Variants in AMN1 observed in about 807,000 individuals in gnomAD.
AMN1 encodes antagonist of mitotic exit network 1 homolog.
A neutral mutation model predicts 33.0 loss-of-function variants in AMN1; 20 were observed. That is an observed-to-expected ratio of 0.61 (90% CI 0.43 to 0.88). AMN1 has a LOEUF of 0.88. AMN1 is among the 40% of genes least tolerant of loss of function. AMN1 has a pLI of 0.00. For missense variants in AMN1, 246 were observed against 307.4 expected, an observed-to-expected ratio of 0.80 and a Z score of 1.49; for synonymous variants, 114 against 111.9, an observed-to-expected ratio of 1.02 and a Z score of -0.12.
In AMN1 at chr12:31,701,397, G is replaced by C. The variant is rs76753027; in HGVS notation, c.316+466C>G. Among the ~76,000 whole-genome samples, 1,271 of 152,112 alleles carry C rather than the reference G, an allele frequency of 8.4e-3. 17 individuals are homozygous for C. Among genetic ancestry groups the C allele is most frequent in the African/African-American group, 0.029 (1,199 of 41,474 alleles). On this transcript the variant is annotated intron_variant, in intron 3 of 6. Transcript: ENST00000281471. ...TGCAACTGCTACCTCCCAGGCTCAA[G>C]GGATTCTCGTGCCTCCACCTCCTAA...
intron 2 of AMN1, among the ~76,000 whole-genome samples, chr12:31,706,172 T>C (rs190821437): frequency 0.041 from 6,252 of 151,290 alleles, 193 homozygotes; most frequent in Non-Finnish European, 0.058. Context: ...ATTAGCTGGG[T>C]GTGGTGGCGG....
At position 31,672,471 on chromosome 12, in the gene AMN1, A is replaced by G. The variant is rs1369664236; in HGVS notation, c.704-94T>C. On this transcript the variant is annotated intron_variant, in intron 6 of 6. Transcript: ENST00000281471. ...CTGGAGGTGATGTTAATTATTATAC[A>G]GTTATTTAAAGGATTAAAGGAGGTG... The G allele has an allele frequency of 9.1e-6, 8 of 877,316 alleles. No individual in the cohort carries two copies. The African/African-American group carries it at 1.3e-4, about 15-fold the overall frequency. 54.3% of individuals were successfully genotyped at this position (877,316 alleles called of 1,614,324 possible).
intron 1 of AMN1, among the ~76,000 whole-genome samples, chr12:31,724,311 A>T (rs1200597150): frequency 6.6e-6 from 1 of 152,208 alleles, no homozygotes; most frequent in Non-Finnish European, 1.5e-5. Flanking sequence ...GCTCTGGTGC[A>T]ATTGTTAAGT....
intron 6 of AMN1, among the ~76,000 whole-genome samples, chr12:31,682,729 C>A (rs1301935632): frequency 6.6e-6 from 1 of 152,086 alleles, no homozygotes; most frequent in Non-Finnish European, 1.5e-5. Context: ...TGATGATGGG[C>A]TTTTGAGCTA....
chr12:31,690,057 A>G (rs1938435621), intron 5 of AMN1, among the ~76,000 whole-genome samples: 1 of 152,182 alleles, frequency 6.6e-6, no homozygotes, highest in African/African-American at 2.4e-5. Flanking sequence ...ATAATCTCCA[A>G]TCCCATCCAG....
At chr12:31,726,318 C>T (rs1207076914) in intron 1 of AMN1, among the ~76,000 whole-genome samples, 5 of 152,136 alleles carry the variant, frequency 3.3e-5, no homozygotes, top group South Asian at 4.2e-4. Context: ...TGCACCACCA[C>T]GGCCGGCTAA....
At chr12:31,713,049 T>C (rs1939529349) in intron 1 of AMN1, among the ~76,000 whole-genome samples, 1 of 152,222 alleles carries the variant, frequency 6.6e-6, no homozygotes, top group East Asian at 1.9e-4. Context: ...ATTTACCCAG[T>C]GGTGAAATTG....
At chr12:31,698,731 T>C (rs1938847231) in intron 3 of AMN1, among the ~76,000 whole-genome samples, 2 of 151,420 alleles carry the variant, frequency 1.3e-5, no homozygotes, top group South Asian at 4.2e-4. Flanking sequence ...TTCCATATCT[T>C]AAGAAAGAAC....
At chr12:31,709,496 T>G (rs1427341248) in intron 1 of AMN1, 71 bp from the exon 2 acceptor site, 1 of 1,517,720 alleles carries the variant, frequency 6.6e-7, no homozygotes, top group Admixed American at 2.0e-5. Context: ...CTTAATGCTA[T>G]TTGTTAGCAC....
At chr12:31,684,007 A>G (rs1350834170) in intron 6 of AMN1, among the ~76,000 whole-genome samples, 1 of 152,202 alleles carries the variant, frequency 6.6e-6, no homozygotes, top group Non-Finnish European at 1.5e-5. Flanking sequence ...TAATGACATC[A>G]GTTATTATGT....
chr12:31,721,443 C>A (rs1312916379), intron 1 of AMN1, among the ~76,000 whole-genome samples: 1 of 152,222 alleles, frequency 6.6e-6, no homozygotes, highest in Non-Finnish European at 1.5e-5. Flanking sequence ...CCCCACACTT[C>A]CAGCTGGTGA....
At chr12:31,696,362 C>T (rs1038847562) in intron 5 of AMN1, among the ~76,000 whole-genome samples, 1 of 152,014 alleles carries the variant, frequency 6.6e-6, no homozygotes, top group African/African-American at 2.4e-5. Flanking sequence ...CCTCCTGCCT[C>T]AGCCTCCCTG....
At chr12:31,723,217 AAC>A (rs938169721) in intron 1 of AMN1, among the ~76,000 whole-genome samples, 1 of 151,896 alleles carries the variant, frequency 6.6e-6, no homozygotes, top group African/African-American at 2.4e-5. Context: ...CACACACACA[AAC>A]ACACACGCAC....
At chr12:31,684,622 C>T (rs1054413878) in intron 6 of AMN1, among the ~76,000 whole-genome samples, 6 of 152,046 alleles carry the variant, frequency 3.9e-5, no homozygotes, top group African/African-American at 1.2e-4. Flanking sequence ...AGGCGCCCGC[C>T]ACCATGCCCG....
chr12:31,721,750 G>A (rs934663976), intron 1 of AMN1, among the ~76,000 whole-genome samples: 7 of 152,270 alleles, frequency 4.6e-5, no homozygotes, highest in African/African-American at 1.4e-4. Flanking sequence ...CAAACTAGCG[G>A]ATTACAGACA....
At chr12:31,720,872 A>G (rs139463147) in intron 1 of AMN1, among the ~76,000 whole-genome samples, 6 of 152,250 alleles carry the variant, frequency 3.9e-5, no homozygotes, top group Admixed American at 6.5e-5. Context: ...TGCTGCTATG[A>G]ACATTCATGT....
intron 2 of AMN1, among the ~76,000 whole-genome samples, chr12:31,708,405 C>T (rs796094632): frequency 1.9e-4 from 29 of 152,270 alleles, no homozygotes; most frequent in African/African-American, 6.7e-4. Context: ...GATTGGGAAA[C>T]CCCAGCCCTG....
chr12:31,717,106 T>C (rs1279503267), intron 1 of AMN1, among the ~76,000 whole-genome samples: 2 of 152,046 alleles, frequency 1.3e-5, no homozygotes, highest in African/African-American at 2.4e-5. Context: ...ATCCTTTCCC[T>C]TGCTCCCCCC....
chr12:31,689,828 G>A (rs974438209), intron 5 of AMN1, among the ~76,000 whole-genome samples: 5 of 152,100 alleles, frequency 3.3e-5, no homozygotes, highest in Non-Finnish European at 7.3e-5. Context: ...TTCTTTAGTG[G>A]TCATTTGTGA....
Sources: gnomAD v4.1 joint callset for allele counts (sites outside exome capture counted in the v4.1 genomes callset) on GRCh38, gnomAD v4.1.1 for gene constraint, MANE v1.5 for transcripts, NCBI Gene and HGNC (gene_info 2026-07-23, HGNC 2026-07-21) for gene names.